The following CELF2 variants were observed in gnomAD, a reference collection of about 807,000 sequenced individuals.
CELF2 encodes the protein CUG triplet repeat RNA-binding protein 2.
A neutral mutation model predicts 62.6 loss-of-function variants in CELF2; 8 were observed. The ratio of observed to expected loss-of-function variants is 0.13; its 90% CI spans 0.07 to 0.23. The LOEUF (loss-of-function observed/expected upper bound fraction) is 0.23, where lower values mean the gene tolerates loss of function less well. Ranked by LOEUF, CELF2 falls within the 10% of genes least tolerant of loss-of-function variation. CELF2 has a pLI of 1.00. For missense variants in CELF2, 333 were observed against 671.0 expected (o/e 0.50, Z 5.56); for synonymous variants, 258 against 250.0 (o/e 1.03, Z -0.30).
the CELF2 span, among the ~76,000 whole-genome samples, chr10:10,689,330 A>T: frequency 6.6e-6 from 1 of 152,160 alleles, no homozygotes; most frequent in Non-Finnish European, 1.5e-5. Flanking sequence ...ATCAGATCTC[A>T]TGAGGACTCA....
chr10:10,824,165 T>C (rs1301989146), intron 1 of CELF2, among the ~76,000 whole-genome samples: 1 of 152,210 alleles, frequency 6.6e-6, no homozygotes, highest in East Asian at 1.9e-4. Flanking sequence ...CCATTAAAGT[T>C]TAAAAATAGA....
At chr10:10,949,758 A>T (rs2048102498) in intron 2 of CELF2, among the ~76,000 whole-genome samples, 1 of 148,636 alleles carries the variant, frequency 6.7e-6, no homozygotes, top group Admixed American at 6.8e-5. Flanking sequence ...CCAAGATCAC[A>T]CCACTGCACT....
chr10:10,598,958 G>A, the CELF2 span, among the ~76,000 whole-genome samples: 10 of 151,662 alleles, frequency 6.6e-5, no homozygotes, highest in East Asian at 1.6e-3. Context: ...CGCCATGTTG[G>A]CCAGGCTGGT....
At chr10:10,650,865 G>A in the CELF2 span, among the ~76,000 whole-genome samples, 2 of 152,146 alleles carry the variant, frequency 1.3e-5, no homozygotes, top group African/African-American at 2.4e-5. Flanking sequence ...GAGGGGGGAG[G>A]AGCCAAGATG....
At chr10:10,504,377 A>T in the CELF2 span, among the ~76,000 whole-genome samples, 1 of 152,088 alleles carries the variant, frequency 6.6e-6, no homozygotes, top group Non-Finnish European at 1.5e-5. Context: ...GTATCTGAAA[A>T]ATATTTTGTC....
chr10:11,308,709 T>G (rs569399506), intron 9 of CELF2, among the ~76,000 whole-genome samples: 1 of 152,368 alleles, frequency 6.6e-6, no homozygotes, highest in Non-Finnish European at 1.5e-5. Context: ...TTCACTGGAC[T>G]TACCCTCATT....
intron 1 of CELF2, among the ~76,000 whole-genome samples, chr10:11,044,440 AT>A (rs891506912): frequency 6.7e-6 from 1 of 150,270 alleles, no homozygotes; most frequent in Admixed American, 6.7e-5. Context: ...TGAGCTTTAA[AT>A]TTTTTTTTTA....
At chr10:11,251,643 G>A (rs1367279054) in intron 4 of CELF2, among the ~76,000 whole-genome samples, 1 of 151,934 alleles carries the variant, frequency 6.6e-6, no homozygotes, top group Non-Finnish European at 1.5e-5. Context: ...TTTGTCCTTG[G>A]GCAAGTTATT....
chr10:10,794,859 G>A (rs996954264), upstream of CELF2: 1 of 152,146 alleles, frequency 6.6e-6, no homozygotes, highest in Non-Finnish European at 1.5e-5. Context: ...GTATAACCAG[G>A]AGAGATGTTC....
intron 2 of CELF2, chr10:10,920,128 A>C (rs2064748763): frequency 1.7e-6 from 1 of 579,448 alleles, no homozygotes; most frequent in Non-Finnish European, 2.5e-6. Context: ...TACCTCATAC[A>C]TCACCATGTA....
chr10:10,497,443 T>C, the CELF2 span, among the ~76,000 whole-genome samples: 3 of 152,202 alleles, frequency 2.0e-5, no homozygotes, highest in African/African-American at 7.2e-5. Flanking sequence ...AAAGACATGA[T>C]TATCTGCCTA....
intron 1 of CELF2, among the ~76,000 whole-genome samples, chr10:11,115,213 C>T (rs763958445): frequency 2.0e-5 from 3 of 152,284 alleles, no homozygotes; most frequent in Non-Finnish European, 4.4e-5. Context: ...TTTTCAACTT[C>T]GTTTGATTGG....
chr10:11,031,986 T>C (rs1031924822), intron 1 of CELF2, among the ~76,000 whole-genome samples: 3 of 152,062 alleles, frequency 2.0e-5, no homozygotes, highest in Non-Finnish European at 2.9e-5. Flanking sequence ...ACAAGTCCTC[T>C]ATTTCCACCC....
chr10:11,256,448 C>A (rs2078762835), intron 4 of CELF2, among the ~76,000 whole-genome samples: 1 of 151,964 alleles, frequency 6.6e-6, no homozygotes, highest in Non-Finnish European at 1.5e-5. Flanking sequence ...GAAATAAAAG[C>A]CAATTAAATA....
At chr10:10,797,223 T>C (rs1321842328), upstream of CELF2, among the ~76,000 whole-genome samples, 1 of 152,096 alleles carries the variant, frequency 6.6e-6, no homozygotes, top group Non-Finnish European at 1.5e-5. Flanking sequence ...AGGGAAGAAG[T>C]TGGGACCCTT....
the CELF2 span, among the ~76,000 whole-genome samples, chr10:10,624,996 T>A: frequency 6.6e-6 from 1 of 152,204 alleles, no homozygotes. Context: ...CTGCCAAGCC[T>A]AAGTGGGCGA....
Position 11,132,921 on chromosome 10 carries a change from A to G in CELF2, c.75-32565A>G, listed in dbSNP as rs189669987. Among the ~76,000 whole-genome samples, 22 of 152,272 alleles carry G rather than the reference A, an allele frequency of 1.4e-4. No homozygotes were observed. The East Asian group carries it at 3.9e-3, about 27-fold the overall frequency. On this transcript the variant is annotated intron_variant, in intron 1 of 12. Transcript: ENST00000633077. ...ACAGGATAAATAACGATTCAGGATA[A>G]TCTAAGAGGTGATGGTGGTGGTGAT...
At chr10:10,858,073 G>C (rs1444499935) in intron 1 of CELF2, among the ~76,000 whole-genome samples, 1 of 152,078 alleles carries the variant, frequency 6.6e-6, no homozygotes, top group Non-Finnish European at 1.5e-5. Context: ...GCTCCAATAA[G>C]CAGTGGGCTA....
intron 2 of CELF2, among the ~76,000 whole-genome samples, chr10:11,204,379 C>T (rs766159313): frequency 4.6e-5 from 7 of 152,136 alleles, no homozygotes; most frequent in Non-Finnish European, 1.0e-4. Context: ...GTTGCATGGA[C>T]CATTTTTACC....
Sources: allele counts gnomAD v4.1 joint callset (sites outside exome capture counted in the v4.1 genomes callset), GRCh38; gene constraint gnomAD v4.1.1; transcripts MANE v1.5; gene names NCBI Gene and HGNC (gene_info 2026-07-23, HGNC 2026-07-21).